Variants in MAF observed in about 807,000 individuals in gnomAD.
MAF encodes the protein MAF bZIP transcription factor, also known as transcription factor Maf.
A neutral mutation model predicts 22.0 loss-of-function variants in MAF; 10 were observed. The ratio of observed to expected loss-of-function variants is 0.45; its 90% CI spans 0.28 to 0.77. The LOEUF (loss-of-function observed/expected upper bound fraction) is 0.77, where lower values mean the gene tolerates loss of function less well. Ranked by LOEUF, MAF falls within the 30% of genes least tolerant of loss-of-function variation. MAF has a pLI of 0.12. For missense variants in MAF, 544 were observed against 548.4 expected (o/e 0.99, Z 0.08); for synonymous variants, 337 against 255.8 (o/e 1.32, Z -3.03).
At chr16:79,509,050 T>A in the MAF span, among the ~76,000 whole-genome samples, 1 of 152,200 alleles carries the variant, frequency 6.6e-6, no homozygotes, top group African/African-American at 2.4e-5. Flanking sequence ...ATAACTATAA[T>A]TCATGATAGC....
chr16:79,392,377 G>A, the MAF span, among the ~76,000 whole-genome samples: 2 of 150,186 alleles, frequency 1.3e-5, no homozygotes, highest in Non-Finnish European at 3.0e-5. Context: ...CAGGGAGAAG[G>A]AAAGGAAAGG....
At chr16:79,340,137 G>A in the MAF span, among the ~76,000 whole-genome samples, 4 of 151,964 alleles carry the variant, frequency 2.6e-5, no homozygotes, top group Non-Finnish European at 4.4e-5. Flanking sequence ...CGGCTGTTCC[G>A]GGAGGTCAGG....
At chr16:79,581,103 A>C (rs1320415726), downstream of MAF, among the ~76,000 whole-genome samples, 1 of 152,134 alleles carries the variant, frequency 6.6e-6, no homozygotes, top group Non-Finnish European at 1.5e-5. Flanking sequence ...CAACACTATT[A>C]AATGTACAGT....
At chr16:79,227,073 G>A in the MAF span, among the ~76,000 whole-genome samples, 1 of 152,070 alleles carries the variant, frequency 6.6e-6, no homozygotes, top group African/African-American at 2.4e-5. Context: ...ATAACTGGCT[G>A]GGCCAGTTAA....
chr16:79,563,133 G>C, the MAF span, among the ~76,000 whole-genome samples: 6 of 152,130 alleles, frequency 3.9e-5, no homozygotes, highest in Non-Finnish European at 8.8e-5. Flanking sequence ...CGGGCTGAAG[G>C]CTGTACCCAT....
chr16:79,247,483 T>C, the MAF span, among the ~76,000 whole-genome samples: 2 of 152,186 alleles, frequency 1.3e-5, no homozygotes, highest in African/African-American at 2.4e-5. Context: ...CCAGCCTGAT[T>C]CAGTAACTGA....
At chr16:79,225,673 T>C in the MAF span, among the ~76,000 whole-genome samples, 1 of 151,944 alleles carries the variant, frequency 6.6e-6, no homozygotes, top group African/African-American at 2.4e-5. Context: ...CTTAAACAAA[T>C]TTACAAGAAA....
the MAF span, among the ~76,000 whole-genome samples, chr16:79,561,210 C>T: frequency 1.3e-5 from 2 of 152,160 alleles, no homozygotes; most frequent in African/African-American, 4.8e-5. Flanking sequence ...ATGCTTTTCT[C>T]TTGTTCATCT....
chr16:79,272,842 C>G, the MAF span, among the ~76,000 whole-genome samples: 1 of 152,184 alleles, frequency 6.6e-6, no homozygotes, highest in African/African-American at 2.4e-5. Flanking sequence ...TTCCTTTGGT[C>G]TTGGCACCTG....
chr16:79,544,578 T>G, the MAF span, among the ~76,000 whole-genome samples: 1 of 151,978 alleles, frequency 6.6e-6, no homozygotes, highest in Non-Finnish European at 1.5e-5. Flanking sequence ...ATCGAGACCA[T>G]CGTGGATAAC....
At chr16:79,297,392 G>C in the MAF span, among the ~76,000 whole-genome samples, 1 of 152,174 alleles carries the variant, frequency 6.6e-6, no homozygotes, top group African/African-American at 2.4e-5. Flanking sequence ...GGCAAGGCTT[G>C]ATGCTATGAA....
chr16:79,214,912 G>T, the MAF span, among the ~76,000 whole-genome samples: 1 of 151,138 alleles, frequency 6.6e-6, no homozygotes, highest in African/African-American at 2.4e-5. Context: ...GTTTGACCAT[G>T]TTGGCCAGGC....
the MAF span, among the ~76,000 whole-genome samples, chr16:79,492,549 A>G: frequency 6.6e-6 from 1 of 152,286 alleles, no homozygotes; most frequent in Admixed American, 6.5e-5. Flanking sequence ...AAATGCATAG[A>G]TAACAGTGTC....
At chr16:79,212,063 G>C in the MAF span, 176 of 1,536,430 alleles carry the variant, frequency 1.1e-4, 1 homozygote, top group South Asian at 1.1e-3. Flanking sequence ...AACCTGCTTG[G>C]TGTGTAGGTT....
At chr16:79,261,804 C>A in the MAF span, among the ~76,000 whole-genome samples, 1 of 152,326 alleles carries the variant, frequency 6.6e-6, no homozygotes, top group African/African-American at 2.4e-5. Context: ...TTCATTGACA[C>A]TCCCATTAAT....
chr16:79,488,002 A>G, the MAF span, among the ~76,000 whole-genome samples: 1 of 152,352 alleles, frequency 6.6e-6, no homozygotes, highest in African/African-American at 2.4e-5. Context: ...TTTATCTGAA[A>G]GGGATGTGGT....
the MAF span, among the ~76,000 whole-genome samples, chr16:79,501,872 G>A: frequency 6.6e-6 from 1 of 152,076 alleles, no homozygotes; most frequent in Non-Finnish European, 1.5e-5. Context: ...AATTGGATTG[G>A]TGAGATATTT....
the MAF span, among the ~76,000 whole-genome samples, chr16:79,533,037 A>C: frequency 6.6e-6 from 1 of 152,234 alleles, no homozygotes; most frequent in East Asian, 1.9e-4. Context: ...TACGATGACT[A>C]ATACAGGAAT....
chr16:79,453,498 T>A, the MAF span, among the ~76,000 whole-genome samples: 2 of 152,224 alleles, frequency 1.3e-5, no homozygotes, highest in Non-Finnish European at 2.9e-5. Flanking sequence ...ATTCATTCCA[T>A]CTTCATTAAG....
Sources: gnomAD v4.1 joint callset for allele counts (sites outside exome capture counted in the v4.1 genomes callset) on GRCh38, gnomAD v4.1.1 for gene constraint, MANE v1.5 for transcripts, NCBI Gene and HGNC (gene_info 2026-07-23, HGNC 2026-07-21) for gene names.